TRIM41: variants seen among roughly 807,000 people sequenced by gnomAD.
TRIM41 encodes the protein tripartite motif containing 41.
TRIM41 carries 21 observed loss-of-function variants against 60.6 expected under a neutral mutation model. The ratio of observed to expected loss-of-function variants is 0.35; its 90% confidence interval spans 0.25 to 0.50. The LOEUF (loss-of-function observed/expected upper bound fraction) is 0.50. TRIM41 is among the 20% of genes least tolerant of loss of function. The pLI is 0.98. For missense variants in TRIM41, 846 were observed against 868.3 expected (o/e 0.97, Z 0.32); for synonymous variants, 407 against 344.9 (o/e 1.18, Z -2.00).
chr5:181,225,460 T>C (rs1758506500), intron 1 of TRIM41: 1 of 157,736 alleles, frequency 6.3e-6, no homozygotes, highest in African/African-American at 2.4e-5. Flanking sequence ...TAATATTCAC[T>C]GGACATTTAT....
chr5:181,233,770 A>T lies in TRIM41; in HGVS notation c.1291+7A>T. Reference sequence around the variant, plus strand: ...TTCTGTCAGGCTGCGAGAGGTAGGGAGGTCACCTCCACGACCTTCCTTTGC... The same window carrying T: ...TTCTGTCAGGCTGCGAGAGGTAGGGTGGTCACCTCCACGACCTTCCTTTGC... On this transcript the variant is annotated splice_region_variant and intron_variant, in intron 5 of 5. Transcript: ENST00000315073. This position sits in a 1 kb window ranked among gnomAD's most constrained non-coding sequence, Gnocchi z 4.1. 1 of 1,614,096 alleles carries T rather than the reference A, an allele frequency of 6.2e-7. No individual in the cohort carries two copies. Among genetic ancestry groups the T allele is most frequent in the South Asian group, 1.1e-5 (1 of 91,074 alleles).
chr5:181,233,949 G>T lies in TRIM41; in HGVS notation c.1291+186G>T, dbSNP rs1758926048. On this transcript the variant is annotated intron_variant, in intron 5 of 5. Coordinates refer to ENST00000315073, the MANE Select transcript of TRIM41 (RefSeq NM_033549.5). The surrounding 1 kb of genome is among the most constrained non-coding windows in gnomAD (Gnocchi z 4.1). ...CCTAGTGCAGGCAGGCCTGGAGGGT[G>T]GGGTGGGGTGGAGTGGCAGGAAGAG... is the stretch of plus-strand genomic sequence containing the variant. The T allele has an allele frequency of 3.4e-6, 4 of 1,176,374 alleles. No individual in the cohort carries two copies. Among genetic ancestry groups the T allele is most frequent in the Non-Finnish European group, 3.6e-6 (3 of 832,324 alleles). 72.9% of individuals were successfully genotyped at this position (1,176,374 alleles called of 1,614,324 possible).
At position 181,234,369 on chromosome 5, in the gene TRIM41, G is replaced by A. The variant is rs762300382; in HGVS notation, c.1487G>A (p.Arg496Gln). 12 of 1,554,892 alleles carry A rather than the reference G, an allele frequency of 7.7e-6. No individual in the cohort carries two copies. The highest frequency in any genetic ancestry group is 4.8e-5 in the East Asian group (2 of 41,386). Residue 496 changes from arginine (R) to glutamine (Q), a missense_variant, in exon 6 of 6, where the codon CGG becomes CAG. Transcript: ENST00000315073. This position sits in a 1 kb window ranked among gnomAD's most constrained non-coding sequence, Gnocchi z 5.6. ...TGGGAGGTAGAGGTGGGCGGGCGGC[G>A]GGGCTGGGCGGTGGGTGCTGCCCGT... ...HYWEVEVGGRRGWAVGAARES... is the reference protein window; with the variant it reads ...HYWEVEVGGRQGWAVGAARES...
Position 181,233,738 on chromosome 5 carries a change from C to G in TRIM41, c.1266C>G (p.Ser422Arg). 6.2e-7 allele frequency: 1 copy of G among 1,614,218 alleles called. No homozygotes were observed. Among genetic ancestry groups the G allele is most frequent in the Admixed American group, 1.7e-5 (1 of 60,020 alleles). The change falls in exon 5 of 6, where the codon AGC (serine) becomes AGG (arginine). Residue 422 changes from serine (S) to arginine (R), a missense_variant. Coordinates refer to ENST00000315073, the MANE Select transcript of TRIM41 (RefSeq NM_033549.5). The surrounding 1 kb of genome is among the most constrained non-coding windows in gnomAD (Gnocchi z 4.1). The part of the protein sequence containing the change: ...FLTDAIVRKM[S>R]RMFCQAARVD... ...CAGATGCCATCGTGAGGAAAATGAG[C>G]CGGATGTTCTGTCAGGCTGCGAGAG...
chr5:181,224,690 C>G lies in TRIM41; in HGVS notation c.691C>G (p.Gln231Glu). 6.2e-7 allele frequency: 1 copy of G among 1,614,200 alleles called. No homozygotes were observed. The highest frequency in any genetic ancestry group is 1.1e-5 in the South Asian group (1 of 91,086). The change falls in exon 1 of 6, where the codon CAA becomes GAA. Residue 231 changes from glutamine (Q) to glutamate (E), a missense_variant. Physicochemically the swap from Gln to Glu is conservative, Grantham distance 29. Coordinates refer to ENST00000315073, the MANE Select transcript of TRIM41 (RefSeq NM_033549.5). Reference sequence around the variant, plus strand: ...CGATCAGGGCATCTGTCCCAAACACCAAGAAGCCCTGAAGCTCTTCTGCGA... The same window carrying G: ...CGATCAGGGCATCTGTCCCAAACACGAAGAAGCCCTGAAGCTCTTCTGCGA... ...VTDQGICPKHQEALKLFCEVD... is the reference protein window; with the variant it reads ...VTDQGICPKHEEALKLFCEVD...
chr5:181,235,033 GTCT>G lies in TRIM41; in HGVS notation c.*262_*264del, dbSNP rs1276490733. The G allele has an allele frequency of 2.2e-5, 36 of 1,613,896 alleles. No homozygotes were observed. The highest frequency in any genetic ancestry group is 3.1e-5 in the Non-Finnish European group (36 of 1,180,046). Reference sequence around the variant, plus strand: ...CCCTGATAATGAGAACAGCTGCCTGGTCTTCTCTCCCAGTCTGCCTAGCCCAGC... The same window carrying G: ...CCCTGATAATGAGAACAGCTGCCTGGTCTCTCCCAGTCTGCCTAGCCCAGC... On this transcript the variant is annotated 3_prime_UTR_variant, in exon 6 of 6. Transcript: ENST00000315073.
Position 181,235,042 on chromosome 5 carries a change from C to T in TRIM41, c.*267C>T, listed in dbSNP as rs371684570. ...TGAGAACAGCTGCCTGGTCTTCTCT[C>T]CCAGTCTGCCTAGCCCAGCCCTGGG... On this transcript the variant is annotated 3_prime_UTR_variant, in exon 6 of 6. Transcript: ENST00000315073. The T allele has an allele frequency of 9.9e-6, 16 of 1,613,724 alleles. No individual in the cohort carries two copies. Among genetic ancestry groups the T allele is most frequent in the Middle Eastern group, 1.6e-4 (1 of 6,084 alleles).
At position 181,232,794 on chromosome 5, in the gene TRIM41, G is replaced by T. The variant is rs936135686; in HGVS notation, c.1045G>T (p.Ala349Ser). Residue 349 changes from alanine (A) to serine (S), a missense_variant, in exon 3 of 6, where the codon GCG (alanine) becomes TCG (serine). Transcript: ENST00000315073. ...HEAQLGRAGAAASRLAEQAAQ... is the reference protein window; with the variant it reads ...HEAQLGRAGASASRLAEQAAQ... Reference sequence around the variant, plus strand: ...AGCCCAGCTGGGGCGTGCGGGAGCCGCGGCTAGTCGCCTTGCAGAACAGGC... The same window carrying T: ...AGCCCAGCTGGGGCGTGCGGGAGCCTCGGCTAGTCGCCTTGCAGAACAGGC... The T allele has an allele frequency of 6.2e-7, 1 of 1,604,720 alleles. No individual in the cohort carries two copies. Among genetic ancestry groups the T allele is most frequent in the Non-Finnish European group, 8.5e-7 (1 of 1,176,396 alleles).
intron 1 of TRIM41, 105 bp from the exon 2 acceptor site, chr5:181,230,639 A>G: frequency 2.6e-6 from 2 of 783,466 alleles, no homozygotes; most frequent in African/African-American, 1.7e-5. Flanking sequence ...TTTCGGGGGT[A>G]GGGATCAGGC....
At chr5:181,232,434 G>A in intron 2 of TRIM41, 1 of 540,468 alleles carries the variant, frequency 1.9e-6, no homozygotes. Flanking sequence ...GTCAGGTGGA[G>A]AGGAGTGTTC....
Position 181,235,424 on chromosome 5 carries a change from C to G in TRIM41, c.*649C>G, listed in dbSNP as rs1267915697. 4 of 1,613,584 alleles carry G rather than the reference C, an allele frequency of 2.5e-6. No homozygotes were observed. The highest frequency in any genetic ancestry group is 3.4e-6 in the Non-Finnish European group (4 of 1,179,560). ...CCATGATTGAAACCACGCACCATTA[C>G]ATCATCATTACATTAATTACATCAA... On this transcript the variant is annotated 3_prime_UTR_variant, in exon 6 of 6. Coordinates refer to ENST00000315073, the MANE Select transcript of TRIM41 (RefSeq NM_033549.5).
In TRIM41 at chr5:181,223,425, G is replaced by A; in HGVS notation, c.-575G>A. On this transcript the variant is annotated 5_prime_UTR_variant, in exon 1 of 6. Transcript: ENST00000315073. ...CCCCCCGAAGTTTCTCCCCAGCGGCGGGGGATGGGGGTAGGCGGTTCCTCT... is the reference window on the plus strand; with the variant it reads ...CCCCCCGAAGTTTCTCCCCAGCGGCAGGGGATGGGGGTAGGCGGTTCCTCT... 1 of 399,862 alleles carries A rather than the reference G, an allele frequency of 2.5e-6. No homozygotes were observed. The highest frequency in any genetic ancestry group is 4.4e-6 in the Non-Finnish European group (1 of 226,958). 24.8% of individuals were successfully genotyped at this position (399,862 alleles called of 1,614,324 possible). A position where few individuals can be genotyped will look rare whatever the true frequency, so the allele number is the denominator to read the frequency against.
chr5:181,233,583 T>C lies in TRIM41; in HGVS notation c.1164-53T>C. The C allele has an allele frequency of 6.2e-7, 1 of 1,610,842 alleles. No homozygotes were observed. The highest frequency in any genetic ancestry group is 1.1e-5 in the South Asian group (1 of 90,976). On this transcript the variant is annotated intron_variant, in intron 4 of 5. Coordinates refer to ENST00000315073, the MANE Select transcript of TRIM41 (RefSeq NM_033549.5). The surrounding 1 kb of genome is among the most constrained non-coding windows in gnomAD (Gnocchi z 4.1). ...CCTCTCCTTCCCCTCAGCTTTTGCT[T>C]TTCCCTCTGGGAATATCGTGGTCCC...
At chr5:181,228,229 T>G (rs1758633876) in intron 1 of TRIM41, 2 of 142,120 alleles carry the variant, frequency 1.4e-5, no homozygotes. Context: ...AGCGAGACTC[T>G]GTCTCAAAAA....
At position 181,224,495 on chromosome 5, in the gene TRIM41, G is replaced by C; in HGVS notation, c.496G>C (p.Asp166His). The change falls in exon 1 of 6, where the codon GAC becomes CAC. Residue 166 changes from aspartate (D) to histidine (H), a missense_variant. By Grantham distance (81) the Asp-to-His change is moderately conservative (BLOSUM62 -1). Transcript: ENST00000315073. The stretch of plus-strand genomic sequence containing the variant: ...GGAGGAGGTTGAGGAAGAGGATCTA[G>C]ACCCCGTCACCCCACTGCCCCCGCC... Reference protein sequence around the residue: ...VLEEVEEEDLDPVTPLPPPPA... With the variant: ...VLEEVEEEDLHPVTPLPPPPA... The C allele has an allele frequency of 6.2e-7, 1 of 1,613,028 alleles. No individual in the cohort carries two copies. The highest frequency in any genetic ancestry group is 8.5e-7 in the Non-Finnish European group (1 of 1,179,258).
chr5:181,230,952 C>T, intron 2 of TRIM41, 113 bp downstream of exon 2: 1 of 902,186 alleles, frequency 1.1e-6, no homozygotes, highest in Non-Finnish European at 1.8e-6. Flanking sequence ...ACAGCTAAGG[C>T]CTGGGAGAGG....
rs776183686 is a variant in TRIM41, at chr5:181,233,398, TTC to T, written c.1141-11_1141-10del. On this transcript the variant is annotated splice_polypyrimidine_tract_variant and intron_variant, in intron 3 of 5. Transcript: ENST00000315073. This position sits in a 1 kb window ranked among gnomAD's most constrained non-coding sequence, Gnocchi z 4.1. Reference sequence around the variant, plus strand: ...TCTTTCTCCCTCTCCCTCTTTTTGTTTCTCTTATTCCCAGGACATCAAGGAGA... The same window carrying T: ...TCTTTCTCCCTCTCCCTCTTTTTGTTTCTTATTCCCAGGACATCAAGGAGA... 1.9e-6 allele frequency: 3 copies of T among 1,613,708 alleles called. No individual in the cohort carries two copies. The highest frequency in any genetic ancestry group is 2.5e-6 in the Non-Finnish European group (3 of 1,179,752).
intron 1 of TRIM41, chr5:181,230,496 CA>C (rs60815823): frequency 0.027 from 1,174 of 43,618 alleles, no homozygotes; most frequent in South Asian, 0.049. Flanking sequence ...GACTCTGTCT[CA>C]AAAAAAAAAA....
chr5:181,231,265 A>C (rs1402130305), intron 2 of TRIM41: 1 of 194,522 alleles, frequency 5.1e-6, no homozygotes, highest in Non-Finnish European at 1.1e-5. Flanking sequence ...AGAGGGGGCC[A>C]GTGTGTTTAA....
Sources: gnomAD v4.1 joint callset for allele counts on GRCh38, gnomAD v4.1.1 for gene constraint, Gnocchi (gnomAD v3.1) non-coding constraint, MANE v1.5 for transcripts, NCBI Gene and HGNC (gene_info 2026-07-23, HGNC 2026-07-21) for gene names.